B3GALT1: variants seen among roughly 807,000 people sequenced by gnomAD.
B3GALT1 encodes UDP-Gal:betaGlcNAc beta 1,3-galactosyltransferase, polypeptide 1.
Under a neutral mutation model 23.2 loss-of-function variants are expected in B3GALT1, and 10 were observed. The ratio of observed to expected loss-of-function variants is 0.43; its 90% CI spans 0.27 to 0.73. The LOEUF (loss-of-function observed/expected upper bound fraction) is 0.73, where lower values mean the gene tolerates loss of function less well. Among genes scored for constraint, B3GALT1 ranks in the 30% least tolerant of loss-of-function variants. The probability of loss-of-function intolerance (pLI) is 0.21; values close to 1 mark genes in which losing one functional copy is unlikely to be tolerated. For missense variants in B3GALT1, 299 were observed against 405.4 expected (o/e 0.74, Z 2.25); for synonymous variants, 156 against 141.5 (o/e 1.10, Z -0.73).
intron 2 of B3GALT1, among the ~76,000 whole-genome samples, chr2:167,620,463 G>T (rs1279863448): frequency 6.6e-6 from 1 of 152,012 alleles, no homozygotes; most frequent in Non-Finnish European, 1.5e-5. Context: ...AATCATTAGT[G>T]GTTTTAAGCA....
At chr2:167,809,866 T>A (rs1338412657) in intron 3 of B3GALT1, among the ~76,000 whole-genome samples, 1 of 152,072 alleles carries the variant, frequency 6.6e-6, no homozygotes, top group Non-Finnish European at 1.5e-5. Context: ...TGTTTGGCTA[T>A]GTCCTGCCCC....
intron 1 of B3GALT1, among the ~76,000 whole-genome samples, chr2:167,402,826 A>G (rs1237080079): frequency 6.6e-6 from 1 of 152,152 alleles, no homozygotes; most frequent in Non-Finnish European, 1.5e-5. Context: ...TCATGTTTCC[A>G]TGGCATTAAA....
At chr2:167,445,509 T>C (rs1165759797) in intron 1 of B3GALT1, among the ~76,000 whole-genome samples, 2 of 152,230 alleles carry the variant, frequency 1.3e-5, no homozygotes, top group Non-Finnish European at 2.9e-5. Context: ...TAAGTCTCTT[T>C]GTAGGTCTCT....
chr2:167,405,841 A>T (rs1456140324), intron 1 of B3GALT1, among the ~76,000 whole-genome samples: 1 of 152,154 alleles, frequency 6.6e-6, no homozygotes, highest in Non-Finnish European at 1.5e-5. Flanking sequence ...TTATCCAGAG[A>T]AGCTCAAAAA....
chr2:167,342,866 C>G (rs1697170999), intron 1 of B3GALT1, among the ~76,000 whole-genome samples: 2 of 152,114 alleles, frequency 1.3e-5, no homozygotes, highest in Non-Finnish European at 2.9e-5. Flanking sequence ...TTACTGATAT[C>G]TTTTATTCTC....
Position 167,352,201 on chromosome 2 carries a change from T to C in B3GALT1, c.-511+58867T>C, listed in dbSNP as rs569622118. ...CCAGGATGGTCTTGATCTCCTGACC[T>C]CGTGATCCGCCCACCTCGACCTCCC... On this transcript the variant is annotated intron_variant, in intron 1 of 4. Coordinates refer to ENST00000392690, the MANE Select transcript of B3GALT1 (RefSeq NM_020981.4). Among the ~76,000 whole-genome samples the C allele has an allele frequency of 2.9e-3, 440 of 149,446 alleles. 1 individual carries two copies. The highest frequency in any genetic ancestry group is 0.01 in the African/African-American group (411 of 40,572).
chr2:167,566,071 A>G (rs1466433440), intron 2 of B3GALT1, among the ~76,000 whole-genome samples: 1 of 152,094 alleles, frequency 6.6e-6, no homozygotes, highest in Non-Finnish European at 1.5e-5. Context: ...TTGCGGCACT[A>G]TTCACAATAG....
chr2:167,781,803 G>T (rs149392935), intron 3 of B3GALT1, among the ~76,000 whole-genome samples: 25 of 151,926 alleles, frequency 1.6e-4, no homozygotes, highest in Non-Finnish European at 1.2e-4. Flanking sequence ...ATGCAGTGGC[G>T]CAATCTCAGC....
chr2:167,754,762 A>G (rs1245268859), intron 3 of B3GALT1, among the ~76,000 whole-genome samples: 1 of 152,218 alleles, frequency 6.6e-6, no homozygotes, highest in Non-Finnish European at 1.5e-5. Context: ...GCTTCTCAGA[A>G]ATAAAGACAG....
intron 1 of B3GALT1, among the ~76,000 whole-genome samples, chr2:167,342,172 G>A (rs1345980484): frequency 6.6e-6 from 1 of 152,138 alleles, no homozygotes; most frequent in African/African-American, 2.4e-5. Flanking sequence ...GCTCCATGGG[G>A]AAATAGAGTG....
At chr2:167,335,187 G>GA (rs374420668) in intron 1 of B3GALT1, among the ~76,000 whole-genome samples, 13 of 147,120 alleles carry the variant, frequency 8.8e-5, no homozygotes, top group East Asian at 2.0e-4. Flanking sequence ...TTTCTCAAAA[G>GA]AAAAAAAAAC....
intron 3 of B3GALT1, among the ~76,000 whole-genome samples, chr2:167,720,986 T>C (rs1401716320): frequency 6.6e-6 from 1 of 152,120 alleles, no homozygotes; most frequent in Non-Finnish European, 1.5e-5. Flanking sequence ...ATTGTTATTG[T>C]TATTGTTCAG....
At chr2:167,582,161 A>C (rs1446043226) in intron 2 of B3GALT1, among the ~76,000 whole-genome samples, 1 of 152,218 alleles carries the variant, frequency 6.6e-6, no homozygotes, top group Non-Finnish European at 1.5e-5. Flanking sequence ...TTAATGTCTT[A>C]GAGCCGGTTG....
At chr2:167,464,219 T>G (rs1699310439) in intron 1 of B3GALT1, among the ~76,000 whole-genome samples, 1 of 151,944 alleles carries the variant, frequency 6.6e-6, no homozygotes. Flanking sequence ...ACCCAAAGCA[T>G]CAAAGGTATG....
At position 167,583,337 on chromosome 2, in the gene B3GALT1, A is replaced by G. The variant is rs1057342868; in HGVS notation, c.-409-63572A>G. 5.3e-5 allele frequency among the ~76,000 whole-genome samples: 8 copies of G among 151,910 alleles called. No individual in the cohort carries two copies. In the East Asian group the frequency reaches 5.8e-4, roughly 11 times the overall value. On this transcript the variant is annotated intron_variant, in intron 2 of 4. Coordinates refer to ENST00000392690, the MANE Select transcript of B3GALT1 (RefSeq NM_020981.4). ...AAAAGCATCTTCTCTACATTTTGGG[A>G]AAAAAAATGCTGTGATCTGTCATTT... is the stretch of plus-strand genomic sequence containing the variant.
At chr2:167,406,905 A>G (rs886712658) in intron 1 of B3GALT1, among the ~76,000 whole-genome samples, 72 of 152,186 alleles carry the variant, frequency 4.7e-4, no homozygotes, top group African/African-American at 1.7e-3. Context: ...GTAATTTACT[A>G]GTGCTGAGGT....
intron 2 of B3GALT1, among the ~76,000 whole-genome samples, chr2:167,556,971 T>C (rs1683863889): frequency 6.6e-6 from 1 of 152,224 alleles, no homozygotes; most frequent in Admixed American, 6.5e-5. Flanking sequence ...AATTGTGCCC[T>C]TGGGTCCAGC....
chr2:167,767,559 G>A (rs1687998793), intron 3 of B3GALT1, among the ~76,000 whole-genome samples: 1 of 152,056 alleles, frequency 6.6e-6, no homozygotes, highest in Non-Finnish European at 1.5e-5. Flanking sequence ...GTTAGTACAA[G>A]TTTGTATTTG....
At chr2:167,669,258 A>T (rs1163743020) in intron 3 of B3GALT1, among the ~76,000 whole-genome samples, 1 of 152,196 alleles carries the variant, frequency 6.6e-6, no homozygotes, top group Non-Finnish European at 1.5e-5. Flanking sequence ...AATAAGTTTC[A>T]GGGTAGGCTA....
Sources: gnomAD v4.1 joint callset for allele counts (sites outside exome capture counted in the v4.1 genomes callset) on GRCh38, gnomAD v4.1.1 for gene constraint, MANE v1.5 for transcripts, NCBI Gene and HGNC (gene_info 2026-07-23, HGNC 2026-07-21) for gene names.